The following CDKAL1 variants were observed in gnomAD, a reference collection of about 807,000 sequenced individuals.
The protein encoded by CDKAL1 is CDKAL1 threonylcarbamoyladenosine tRNA methylthiotransferase.
CDKAL1 carries 32 observed loss-of-function variants against 68.2 expected under a neutral mutation model. The ratio of observed to expected loss-of-function variants is 0.47; its 90% CI spans 0.35 to 0.63. CDKAL1 has a LOEUF of 0.63. Ranked by LOEUF, CDKAL1 falls within the 30% of genes least tolerant of loss-of-function variation. CDKAL1 has a pLI of 0.00. For missense variants in CDKAL1, 606 were observed against 696.7 expected, an observed-to-expected ratio of 0.87 and a Z score of 1.47; for synonymous variants, 234 against 244.3, an observed-to-expected ratio of 0.96 and a Z score of 0.39.
At chr6:21,198,811 G>T (rs999518924) in intron 14 of CDKAL1, among the ~76,000 whole-genome samples, 9 of 152,188 alleles carry the variant, frequency 5.9e-5, no homozygotes, top group African/African-American at 2.2e-4. Context: ...CCTGACTTCT[G>T]TTTCAGCATC....
intron 4 of CDKAL1, among the ~76,000 whole-genome samples, chr6:20,568,120 G>A (rs1477203974): frequency 6.6e-6 from 1 of 151,750 alleles, no homozygotes; most frequent in Non-Finnish European, 1.5e-5. Context: ...CTCGTGATCC[G>A]CCTGCCTCTG....
intron 8 of CDKAL1, among the ~76,000 whole-genome samples, chr6:20,838,913 T>G (rs1319195304): frequency 1.3e-5 from 2 of 151,142 alleles, no homozygotes; most frequent in Non-Finnish European, 2.9e-5. Context: ...AGGCGGAGCT[T>G]GCAGTGAGCC....
intron 12 of CDKAL1, among the ~76,000 whole-genome samples, chr6:21,068,101 C>T (rs1771558569): frequency 1.3e-5 from 2 of 152,090 alleles, no homozygotes; most frequent in Admixed American, 1.3e-4. Flanking sequence ...GAGTTATTTA[C>T]GTATTCTGGC....
intron 9 of CDKAL1, among the ~76,000 whole-genome samples, chr6:20,859,843 C>G (rs931880899): frequency 1.3e-5 from 2 of 152,204 alleles, no homozygotes; most frequent in Admixed American, 6.5e-5. Flanking sequence ...TGCACTTTCT[C>G]TAACTTGCTA....
At chr6:20,836,709 T>C (rs967075022) in intron 8 of CDKAL1, among the ~76,000 whole-genome samples, 1 of 152,148 alleles carries the variant, frequency 6.6e-6, no homozygotes, top group African/African-American at 2.4e-5. Flanking sequence ...AAATACATCT[T>C]GTATTTAATG....
intron 8 of CDKAL1, among the ~76,000 whole-genome samples, chr6:20,821,702 T>A (rs531168706): frequency 2.6e-5 from 4 of 152,174 alleles, no homozygotes; most frequent in Non-Finnish European, 2.9e-5. Flanking sequence ...TAAGTGCTGA[T>A]GGAGGAGGTG....
intron 4 of CDKAL1, among the ~76,000 whole-genome samples, chr6:20,645,840 G>C (rs1314767856): frequency 2.0e-5 from 3 of 150,418 alleles, no homozygotes; most frequent in African/African-American, 7.3e-5. Flanking sequence ...TTTGTTAAAC[G>C]CTAAGACAGA....
At chr6:21,125,377 G>A (rs1582251477) in intron 13 of CDKAL1, among the ~76,000 whole-genome samples, 1 of 152,112 alleles carries the variant, frequency 6.6e-6, no homozygotes, top group East Asian at 1.9e-4. Flanking sequence ...TGAGTCAATT[G>A]AACTTCTTTC....
intron 11 of CDKAL1, among the ~76,000 whole-genome samples, chr6:21,017,880 T>G (rs1768429694): frequency 6.7e-6 from 1 of 149,676 alleles, no homozygotes; most frequent in South Asian, 2.1e-4. Context: ...AAATTTAATT[T>G]AATTCCTCCA....
intron 8 of CDKAL1, among the ~76,000 whole-genome samples, chr6:20,795,184 T>C (rs1776059083): frequency 6.6e-6 from 1 of 152,164 alleles, no homozygotes; most frequent in African/African-American, 2.4e-5. Context: ...TATATGTTTG[T>C]ATTTCTAGTA....
intron 8 of CDKAL1, among the ~76,000 whole-genome samples, chr6:20,811,024 G>A (rs1393485372): frequency 6.6e-6 from 1 of 152,134 alleles, no homozygotes; most frequent in South Asian, 2.1e-4. Context: ...TTAGATTCAT[G>A]TAAGGAATAT....
At chr6:20,554,595 G>A (rs1016248246) in intron 4 of CDKAL1, among the ~76,000 whole-genome samples, 10 of 152,216 alleles carry the variant, frequency 6.6e-5, no homozygotes, top group Non-Finnish European at 1.5e-4. Context: ...TCTGAAATCA[G>A]TTCTTAAAGA....
chr6:20,589,368 T>C (rs1317994793), intron 4 of CDKAL1, among the ~76,000 whole-genome samples: 1 of 152,248 alleles, frequency 6.6e-6, no homozygotes, highest in Non-Finnish European at 1.5e-5. Context: ...ACACATGTTC[T>C]GCACGTTCTG....
intron 14 of CDKAL1, 42 bp downstream of exon 14, chr6:21,198,146 G>A: frequency 7.4e-7 from 1 of 1,351,354 alleles, no homozygotes; most frequent in Non-Finnish European, 1.0e-6. Flanking sequence ...TCCAAAGTGA[G>A]AAAGAGTTCT....
At chr6:21,001,336 A>G (rs541046816) in intron 11 of CDKAL1, among the ~76,000 whole-genome samples, 10 of 152,176 alleles carry the variant, frequency 6.6e-5, no homozygotes, top group African/African-American at 2.4e-4. Flanking sequence ...TATTTTTTCC[A>G]CCTTTAATTA....
intron 13 of CDKAL1, among the ~76,000 whole-genome samples, chr6:21,156,707 C>T (rs1250473742): frequency 6.6e-6 from 1 of 152,016 alleles, no homozygotes; most frequent in Non-Finnish European, 1.5e-5. Context: ...GATAGTGAGA[C>T]ATGGATCAAC....
At chr6:20,810,931 G>T (rs1219079088) in intron 8 of CDKAL1, among the ~76,000 whole-genome samples, 3 of 152,022 alleles carry the variant, frequency 2.0e-5, no homozygotes, top group Non-Finnish European at 4.4e-5. Context: ...AACGCTTTGG[G>T]TCTGTGCCAC....
intron 5 of CDKAL1, among the ~76,000 whole-genome samples, chr6:20,701,183 G>C (rs1021758882): frequency 2.6e-5 from 4 of 151,486 alleles, no homozygotes; most frequent in Non-Finnish European, 4.4e-5. Flanking sequence ...GCTGTGTTGC[G>C]ACCCTGGAAA....
At chr6:20,578,774 T>C (rs1765018899) in intron 4 of CDKAL1, among the ~76,000 whole-genome samples, 1 of 152,228 alleles carries the variant, frequency 6.6e-6, no homozygotes, top group Non-Finnish European at 1.5e-5. Flanking sequence ...GATGAAGAAG[T>C]TGACTTGGTG....
Sources: allele counts gnomAD v4.1 joint callset (sites outside exome capture counted in the v4.1 genomes callset), GRCh38; gene constraint gnomAD v4.1.1; transcripts MANE v1.5; gene names NCBI Gene and HGNC (gene_info 2026-07-23, HGNC 2026-07-21).